The following PDE3B variants were observed in gnomAD, a reference collection of about 807,000 sequenced individuals.
PDE3B encodes cGMP-inhibited 3',5'-cyclic phosphodiesterase 3B.
A neutral mutation model predicts 116.8 loss-of-function variants in PDE3B; 66 were observed. The observed-to-expected ratio is 0.56, with a 90% CI of 0.46 to 0.69. PDE3B has a LOEUF of 0.69. PDE3B is among the 30% of genes least tolerant of loss of function. The probability of loss-of-function intolerance (pLI) is 0.00; values close to 1 mark genes in which losing one functional copy is unlikely to be tolerated. For missense variants in PDE3B, 1,384 were observed against 1,368.1 expected (o/e 1.01, Z -0.18); for synonymous variants, 595 against 533.6 (o/e 1.12, Z -1.59).
chr11:14,670,896 A>G (rs1192075028), intron 1 of PDE3B, among the ~76,000 whole-genome samples: 1 of 151,156 alleles, frequency 6.6e-6, no homozygotes, highest in East Asian at 1.9e-4. Flanking sequence ...TTTTCAAGAG[A>G]CAGAGTCTCA....
the PDE3B span, among the ~76,000 whole-genome samples, chr11:14,898,643 A>C: frequency 1.3e-5 from 2 of 152,140 alleles, no homozygotes; most frequent in Non-Finnish European, 2.9e-5. Context: ...TCAAGGTTAC[A>C]CATTGAGCTG....
intron 15 of PDE3B, 104 bp from the exon 16 acceptor site, chr11:14,869,357 T>C (rs1402267957): frequency 1.8e-5 from 14 of 770,848 alleles, no homozygotes; most frequent in Non-Finnish European, 2.9e-5. Flanking sequence ...TACTGTTTAC[T>C]TTTATACTCC....
chr11:14,861,853 C>A (rs1019190912), intron 14 of PDE3B, among the ~76,000 whole-genome samples: 1 of 152,182 alleles, frequency 6.6e-6, no homozygotes, highest in African/African-American at 2.4e-5. Flanking sequence ...GACTTGGAGT[C>A]TTATACATTG....
At chr11:14,659,422 T>G (rs972180644) in intron 1 of PDE3B, among the ~76,000 whole-genome samples, 2 of 152,200 alleles carry the variant, frequency 1.3e-5, no homozygotes, top group African/African-American at 4.8e-5. Context: ...TAACATAAAT[T>G]TACTAATTTT....
chr11:14,861,430 G>T, intron 14 of PDE3B, 64 bp downstream of exon 14: 1 of 1,432,442 alleles, frequency 7.0e-7, no homozygotes, highest in Non-Finnish European at 9.8e-7. Context: ...CTACTCTTTG[G>T]GTTTTGGATA....
intron 7 of PDE3B, among the ~76,000 whole-genome samples, chr11:14,824,945 T>A (rs1418972920): frequency 6.6e-6 from 1 of 151,118 alleles, no homozygotes; most frequent in Non-Finnish European, 1.5e-5. Context: ...GCAGAAACCC[T>A]ACAAGCCAGA....
chr11:14,837,926 G>C (rs1391556401), intron 11 of PDE3B, among the ~76,000 whole-genome samples: 5 of 151,966 alleles, frequency 3.3e-5, no homozygotes, highest in Non-Finnish European at 7.4e-5. Context: ...TGGAGAACCA[G>C]GTAGCATCTC....
chr11:14,669,030 G>A (rs1374445164), intron 1 of PDE3B, among the ~76,000 whole-genome samples: 1 of 152,156 alleles, frequency 6.6e-6, no homozygotes, highest in Non-Finnish European at 1.5e-5. Context: ...GAGAGTTTAT[G>A]AAGGAATGAT....
At chr11:14,891,703 G>A in the PDE3B span, 3 of 1,234,410 alleles carry the variant, frequency 2.4e-6, no homozygotes, top group South Asian at 4.2e-5. Flanking sequence ...GCAGGAGCAA[G>A]AGCTCGAGCG....
chr11:14,755,175 T>G (rs890406027), intron 1 of PDE3B, among the ~76,000 whole-genome samples: 1 of 152,210 alleles, frequency 6.6e-6, no homozygotes, highest in Non-Finnish European at 1.5e-5. Context: ...TCACAAGTAA[T>G]GTCAAGCCAC....
At chr11:14,855,999 T>C (rs782564842) in intron 12 of PDE3B, among the ~76,000 whole-genome samples, 6 of 152,242 alleles carry the variant, frequency 3.9e-5, no homozygotes, top group Non-Finnish European at 8.8e-5. Context: ...ATACGGTTTG[T>C]CTCTGTGTCC....
At chr11:14,646,356 A>G (rs544872307) in intron 1 of PDE3B, among the ~76,000 whole-genome samples, 1 of 152,184 alleles carries the variant, frequency 6.6e-6, no homozygotes, top group East Asian at 1.9e-4. Flanking sequence ...CAATGACACA[A>G]TACTTTGCTT....
intron 1 of PDE3B, among the ~76,000 whole-genome samples, chr11:14,691,554 AT>A (rs1298000203): frequency 6.6e-6 from 1 of 152,150 alleles, no homozygotes; most frequent in Non-Finnish European, 1.5e-5. Context: ...TAGGATATTT[AT>A]TATTATTTTT....
chr11:14,829,316 G>GA (rs1206164417), intron 7 of PDE3B, among the ~76,000 whole-genome samples: 2 of 151,420 alleles, frequency 1.3e-5, no homozygotes, highest in Non-Finnish European at 2.9e-5. Flanking sequence ...ATAAATAAAT[G>GA]AAAAAAAATC....
chr11:14,764,823 A>G (rs558021375), intron 1 of PDE3B, among the ~76,000 whole-genome samples: 18 of 152,040 alleles, frequency 1.2e-4, no homozygotes, highest in African/African-American at 4.1e-4. Context: ...AGAATAGTAA[A>G]TGACATCAGT....
chr11:14,874,649 T>C (rs1434696969), downstream of PDE3B, among the ~76,000 whole-genome samples: 3 of 152,210 alleles, frequency 2.0e-5, no homozygotes, highest in Non-Finnish European at 2.9e-5. Flanking sequence ...TTAAATATTC[T>C]TAAACTTCTA....
At chr11:14,793,508 C>A (rs1858454889) in intron 4 of PDE3B, among the ~76,000 whole-genome samples, 1 of 152,068 alleles carries the variant, frequency 6.6e-6, no homozygotes, top group Non-Finnish European at 1.5e-5. Flanking sequence ...AATTTTGGAG[C>A]ATTTTGGATT....
intron 1 of PDE3B, among the ~76,000 whole-genome samples, chr11:14,672,028 A>ATATAT (rs1554980089): frequency 7.1e-6 from 1 of 140,804 alleles, no homozygotes; most frequent in African/African-American, 2.6e-5. Flanking sequence ...AAAAAAAAAA[A>ATATAT]ATATATATAT....
At chr11:14,750,594 A>C (rs1041994127) in intron 1 of PDE3B, among the ~76,000 whole-genome samples, 2 of 151,986 alleles carry the variant, frequency 1.3e-5, no homozygotes, top group African/African-American at 4.8e-5. Flanking sequence ...AATATTTATA[A>C]TGTAGATATG....
Sources: gnomAD v4.1 joint callset for allele counts (sites outside exome capture counted in the v4.1 genomes callset) on GRCh38, gnomAD v4.1.1 for gene constraint, MANE v1.5 for transcripts, NCBI Gene and HGNC (gene_info 2026-07-23, HGNC 2026-07-21) for gene names.